Variants in SHOX observed in about 807,000 individuals in gnomAD.
SHOX encodes the protein short stature homeobox protein.
Under a neutral mutation model 29.6 loss-of-function variants are expected in SHOX, and 12 were observed. That is an observed-to-expected ratio of 0.41 (90% CI 0.26 to 0.66). The LOEUF is 0.66. SHOX is among the 30% of genes least tolerant of loss of function. SHOX has a pLI of 0.35. For missense variants in SHOX, 499 were observed against 437.7 expected, an observed-to-expected ratio of 1.14 and a Z score of -1.25; for synonymous variants, 214 against 200.6, an observed-to-expected ratio of 1.07 and a Z score of -0.57.
rs143537515 is a variant in SHOX at position 638,216 on chromosome X, G to A, written c.487-2605G>A. ...ATCACTCCAAGACTGATTTATTAGC[G>A]CTTCACGCAGCGGCTAATTCATCAC... is the stretch of plus-strand genomic sequence containing the variant. On this transcript the variant is annotated intron_variant, in intron 2 of 4. Transcript: ENST00000686671. Among the ~76,000 whole-genome samples the A allele has an allele frequency of 5.5e-3, 844 of 152,140 alleles. 5 individuals are homozygous for A. The highest frequency in any genetic ancestry group is 0.02 in the African/African-American group (809 of 41,478).
chrX:654,257 C>CGAG, downstream of SHOX, among the ~76,000 whole-genome samples: 1 of 151,628 alleles, frequency 6.6e-6, no homozygotes, highest in East Asian at 1.9e-4. Context: ...GGCAACATAG[C>CGAG]GAGACCCTCA....
downstream of SHOX, among the ~76,000 whole-genome samples, chrX:652,186 G>A (rs1244866593): frequency 2.0e-5 from 3 of 151,996 alleles, no homozygotes; most frequent in Non-Finnish European, 4.4e-5. Flanking sequence ...GGGCCCGGCC[G>A]GTGATGTGTG....
chrX:640,505 G>C, intron 2 of SHOX, among the ~76,000 whole-genome samples: 1 of 152,284 alleles, frequency 6.6e-6, no homozygotes, highest in East Asian at 1.9e-4. Context: ...GAACCTGGGA[G>C]GTGGAGCTTG....
At chrX:633,633 T>C (rs1325260974) in intron 1 of SHOX, among the ~76,000 whole-genome samples, 1 of 152,068 alleles carries the variant, frequency 6.6e-6, no homozygotes. Context: ...TTGAGACTGT[T>C]TCCAGACTAA....
intron 1 of SHOX, among the ~76,000 whole-genome samples, chrX:625,523 C>G (rs1171889286): frequency 1.1e-4 from 17 of 151,770 alleles, no homozygotes; most frequent in Admixed American, 5.3e-4. Context: ...CTCTGTCTAT[C>G]TCTGTATCTC....
At chrX:627,637 G>C (rs1195328492), upstream of SHOX, among the ~76,000 whole-genome samples, 1 of 151,606 alleles carries the variant, frequency 6.6e-6, no homozygotes, top group Non-Finnish European at 1.5e-5. Context: ...AAGGGCCTTT[G>C]CTTTTTCTCC....
chrX:624,701 T>TTTTCTTTCTTCC (rs2052471893), intron 1 of SHOX: 1 of 105,372 alleles, frequency 9.5e-6, no homozygotes, highest in Non-Finnish European at 1.8e-5. Flanking sequence ...TTCCTCTTTC[T>TTTTCTTTCTTCC]TTTCTTTCTT....
In SHOX at chrX:650,034, G is replaced by A. The variant is rs905552292; in HGVS notation, c.*5398G>A. ...TCTGACTGGTGCATACTTTGCAAAG[G>A]TGTGTTCCTGGCAATTGCCAAGAGT... is the stretch of plus-strand genomic sequence containing the variant. On this transcript the variant is annotated 3_prime_UTR_variant, in exon 5 of 5. Transcript: ENST00000686671. The A allele has an allele frequency of 7.7e-5, 35 of 455,780 alleles. No individual in the cohort carries two copies. Among genetic ancestry groups the A allele is most frequent in the African/African-American group, 6.6e-4 (33 of 50,060 alleles). The allele number at this position is 455,780 out of a possible 1,614,324, so 28.2% of individuals were successfully genotyped here. A position where few individuals can be genotyped will look rare whatever the true frequency, so the allele number is the denominator to read the frequency against.
Position 649,614 on chromosome X carries a change from G to A in SHOX, c.*4978G>A, listed in dbSNP as rs1288419100. ...TGGCTTCCCGGTGAGCTCGCTCGCA[G>A]AGCAAGGAATACCACCCAGAGAGCA... On this transcript the variant is annotated 3_prime_UTR_variant, in exon 5 of 5. Coordinates refer to ENST00000686671, the MANE Select transcript of SHOX (RefSeq NM_000451.4). Among the ~76,000 whole-genome samples the A allele has an allele frequency of 2.6e-5, 4 of 152,176 alleles. No individual in the cohort carries two copies. The highest frequency in any genetic ancestry group is 2.6e-4 in the Admixed American group (4 of 15,270).
intron 5 of SHOX, among the ~76,000 whole-genome samples, chrX:657,828 A>C (rs1204830224): frequency 6.6e-6 from 1 of 152,160 alleles, no homozygotes; most frequent in African/African-American, 2.4e-5. Context: ...CAGGAAGCTA[A>C]ATGGGGTATG....
Position 650,811 on chromosome X carries a change from A to AC in SHOX, c.*6175_*6176insC, listed in dbSNP as rs1556473230. On this transcript the variant is annotated 3_prime_UTR_variant, in exon 5 of 5. Coordinates refer to ENST00000686671, the MANE Select transcript of SHOX (RefSeq NM_000451.4). ...TGACATTAAAAAAAAAAAAAAAAAA[A>AC]AAAAAAAACTGGTGCCTAATTTATT... Among the ~76,000 whole-genome samples the AC allele has an allele frequency of 2.1e-4, 31 of 147,304 alleles. No individual in the cohort carries two copies. Among genetic ancestry groups the AC allele is most frequent in the Middle Eastern group, 3.5e-3 (1 of 288 alleles).
rs1051319745 is a variant in SHOX at position 644,717 on chromosome X, G to T, written c.*81G>T. 10 of 1,340,856 alleles carry T rather than the reference G, an allele frequency of 7.5e-6. No homozygotes were observed. In the African/African-American group the frequency reaches 1.2e-4, roughly 17 times the overall value. 83.1% of individuals were successfully genotyped at this position (1,340,856 alleles called of 1,614,324 possible). A position where few individuals can be genotyped will look rare whatever the true frequency, so the allele number is the denominator to read the frequency against. On this transcript the variant is annotated 3_prime_UTR_variant, in exon 5 of 5. Coordinates refer to ENST00000686671, the MANE Select transcript of SHOX (RefSeq NM_000451.4). ...CACCGCGCGTCCTGCACTCAACCCCGCCTGGAGCTCCTTCCGCGGCCACCG... is the reference window on the plus strand; with the variant it reads ...CACCGCGCGTCCTGCACTCAACCCCTCCTGGAGCTCCTTCCGCGGCCACCG...
chrX:652,224 T>A (rs950818567), downstream of SHOX, among the ~76,000 whole-genome samples: 1 of 152,150 alleles, frequency 6.6e-6, no homozygotes, highest in Non-Finnish European at 1.5e-5. Flanking sequence ...TTGTTCCAGT[T>A]TTCGACAGTG....
chrX:640,718 A>G, intron 2 of SHOX, 103 bp from the exon 3 acceptor site: 1 of 1,306,352 alleles, frequency 7.7e-7, no homozygotes, highest in Non-Finnish European at 1.1e-6. Flanking sequence ...CCCAGCTCCC[A>G]GAGGTGCAAA....
At chrX:625,265 C>A (rs938977994) in intron 1 of SHOX, among the ~76,000 whole-genome samples, 1 of 146,922 alleles carries the variant, frequency 6.8e-6, no homozygotes, top group Non-Finnish European at 1.5e-5. Flanking sequence ...CCTCCTCTTC[C>A]CTCTGCCATT....
At chrX:634,516 G>A in intron 1 of SHOX, 102 bp from the exon 2 acceptor site, 2 of 1,300,882 alleles carry the variant, frequency 1.5e-6, no homozygotes, top group South Asian at 1.2e-5. Flanking sequence ...AAGCGCATTG[G>A]TTTTCGAGGG....
upstream of SHOX, among the ~76,000 whole-genome samples, chrX:629,296 T>C (rs1490622404): frequency 1.3e-5 from 2 of 151,170 alleles, no homozygotes; most frequent in African/African-American, 4.9e-5. Flanking sequence ...TCTCTCCCTG[T>C]CTGTCTCTTT....
In SHOX at chrX:638,187, G is replaced by A. The variant is rs1465310105; in HGVS notation, c.487-2634G>A. Reference sequence around the variant, plus strand: ...TATTCGGGCCTAATTGGAATGGATCGTGAATCACTCCAAGACTGATTTATT... The same window carrying A: ...TATTCGGGCCTAATTGGAATGGATCATGAATCACTCCAAGACTGATTTATT... On this transcript the variant is annotated intron_variant, in intron 2 of 4. Coordinates refer to ENST00000686671, the MANE Select transcript of SHOX (RefSeq NM_000451.4). Among the ~76,000 whole-genome samples the A allele has an allele frequency of 3.9e-5, 6 of 152,194 alleles. No homozygotes were observed. In the South Asian group the frequency reaches 1.0e-3, roughly 26 times the overall value.
chrX:638,824 C>T (rs1246248619), intron 2 of SHOX, among the ~76,000 whole-genome samples: 3 of 152,230 alleles, frequency 2.0e-5, no homozygotes, highest in Admixed American at 6.5e-5. Flanking sequence ...CCACAACAGC[C>T]GGAGTGACTG....
Sources: allele counts gnomAD v4.1 joint callset (sites outside exome capture counted in the v4.1 genomes callset), GRCh38; gene constraint gnomAD v4.1.1; transcripts MANE v1.5; gene names NCBI Gene and HGNC (gene_info 2026-07-23, HGNC 2026-07-21).